PRKAR1B: variants seen among roughly 807,000 people sequenced by gnomAD.
PRKAR1B encodes the protein protein kinase cAMP-dependent type I regulatory subunit beta.
A neutral mutation model predicts 46.5 loss-of-function variants in PRKAR1B; 22 were observed. That is an observed-to-expected ratio of 0.47 (90% CI 0.34 to 0.68). PRKAR1B has a LOEUF of 0.68. Ranked by LOEUF, PRKAR1B falls within the 30% of genes least tolerant of loss-of-function variation. The pLI, the probability that PRKAR1B is intolerant of heterozygous loss-of-function variation, is 0.01. For missense variants in PRKAR1B, 445 were observed against 535.6 expected, an observed-to-expected ratio of 0.83 and a Z score of 1.67; for synonymous variants, 259 against 217.7, an observed-to-expected ratio of 1.19 and a Z score of -1.67.
intron 4 of PRKAR1B, among the ~76,000 whole-genome samples, chr7:616,008 A>AAGAGAGAGAGAG (rs112413656): frequency 1.3e-4 from 20 of 149,396 alleles, no homozygotes; most frequent in East Asian, 1.0e-3. Context: ...AAAAGGAAGA[A>AAGAGAGAGAGAG]AGAGAGAGAG....
chr7:584,708 GA>G, intron 7 of PRKAR1B, 140 bp from the exon 8 acceptor site: 1 of 712,062 alleles, frequency 1.4e-6, no homozygotes, highest in Non-Finnish European at 2.4e-6. Context: ...AGCCCTCGAC[GA>G]CTCGGAGTCT....
At chr7:703,460 G>A (rs1356092882) in intron 2 of PRKAR1B, among the ~76,000 whole-genome samples, 1 of 151,962 alleles carries the variant, frequency 6.6e-6, no homozygotes, top group Non-Finnish European at 1.5e-5. Context: ...TCGATCTCCT[G>A]TGGCTAACAC....
Position 680,423 on chromosome 7 carries a change from G to A in PRKAR1B, c.348+133C>T, listed in dbSNP as rs982532024. 2.4e-5 allele frequency: 22 copies of A among 931,472 alleles called. No homozygotes were observed. In the African/African-American group the frequency reaches 3.6e-4, roughly 15 times the overall value. The allele number at this position is 931,472 out of a possible 1,614,324, so 57.7% of individuals were successfully genotyped here. A position where few individuals can be genotyped will look rare whatever the true frequency, so the allele number is the denominator to read the frequency against. On this transcript the variant is annotated intron_variant, in intron 3 of 10. Coordinates refer to ENST00000537384, the MANE Select transcript of PRKAR1B (RefSeq NM_001164760.2). ...AACTGCCTCTGCCATCACCCACATA[G>A]TCCTCCCTCCAACCAGGATGACACT...
intron 1 of PRKAR1B, chr7:712,684 G>C: frequency 1.6e-5 from 2 of 124,390 alleles, no homozygotes; most frequent in East Asian, 2.5e-4. Flanking sequence ...GCAGGTTCAG[G>C]CCATCGCTGC....
chr7:572,727 G>C (rs1779595665), intron 9 of PRKAR1B, among the ~76,000 whole-genome samples: 1 of 152,250 alleles, frequency 6.6e-6, no homozygotes, highest in African/African-American at 2.4e-5. Flanking sequence ...GAGGGGAGCA[G>C]GAGGCCCCAG....
At chr7:616,132 TG>T (rs1782812154) in intron 4 of PRKAR1B, among the ~76,000 whole-genome samples, 1 of 152,060 alleles carries the variant, frequency 6.6e-6, no homozygotes, top group South Asian at 2.1e-4. Flanking sequence ...CAGAACACAC[TG>T]GGTGGGTCTC....
intron 3 of PRKAR1B, among the ~76,000 whole-genome samples, chr7:679,949 G>T (rs1327648211): frequency 6.6e-6 from 1 of 152,110 alleles, no homozygotes; most frequent in Non-Finnish European, 1.5e-5. Flanking sequence ...ACAAGGTCAG[G>T]AGATTGAGAC....
chr7:672,441 C>T (rs146779445), intron 4 of PRKAR1B, among the ~76,000 whole-genome samples: 167 of 152,208 alleles, frequency 1.1e-3, no homozygotes, highest in African/African-American at 3.6e-3. Context: ...CATGAGCCAC[C>T]GCACCCGGCC....
At chr7:577,696 C>T (rs1201422308) in intron 9 of PRKAR1B, among the ~76,000 whole-genome samples, 2 of 151,968 alleles carry the variant, frequency 1.3e-5, no homozygotes, top group Non-Finnish European at 2.9e-5. Context: ...GGCTTCAGAT[C>T]GCCGGGCAGG....
chr7:668,834 T>G (rs1369585099), intron 4 of PRKAR1B, among the ~76,000 whole-genome samples: 2 of 151,728 alleles, frequency 1.3e-5, no homozygotes, highest in Admixed American at 1.3e-4. Flanking sequence ...CAGAAAGGAT[T>G]TGAGGAGTTT....
At chr7:620,930 T>A (rs1562568062) in intron 4 of PRKAR1B, among the ~76,000 whole-genome samples, 1 of 152,264 alleles carries the variant, frequency 6.6e-6, no homozygotes, top group African/African-American at 2.4e-5. Context: ...GTATGACCTT[T>A]ACCAAGTTAA....
intron 1 of PRKAR1B, among the ~76,000 whole-genome samples, chr7:721,183 A>G (rs1455569627): frequency 1.3e-5 from 2 of 152,168 alleles, no homozygotes; most frequent in African/African-American, 4.8e-5. Flanking sequence ...CTAGCTGTAG[A>G]TATTTCCTCC....
intron 1 of PRKAR1B, among the ~76,000 whole-genome samples, chr7:721,211 CAT>C (rs574175113): frequency 1.9e-3 from 290 of 152,302 alleles, no homozygotes; most frequent in African/African-American, 6.6e-3. Context: ...TCACACACCA[CAT>C]GAGTGTTGTA....
At chr7:594,121 T>C (rs1031940253) in intron 7 of PRKAR1B, among the ~76,000 whole-genome samples, 69 of 152,154 alleles carry the variant, frequency 4.5e-4, no homozygotes, top group Non-Finnish European at 2.2e-4. Context: ...CCCCCAGGAC[T>C]CTCCCCAGTC....
intron 2 of PRKAR1B, among the ~76,000 whole-genome samples, chr7:707,989 C>T (rs1436386840): frequency 2.6e-5 from 4 of 151,754 alleles, no homozygotes; most frequent in Admixed American, 2.0e-4. Flanking sequence ...CTCAGACTTC[C>T]AGCCTGGACC....
chr7:574,940 G>A (rs577667019), intron 9 of PRKAR1B, among the ~76,000 whole-genome samples: 3 of 152,332 alleles, frequency 2.0e-5, no homozygotes, highest in East Asian at 1.9e-4. Flanking sequence ...CACCGCAGTC[G>A]TCCTGCTGGC....
chr7:607,346 T>A, intron 5 of PRKAR1B, 45 bp downstream of exon 5: 4 of 1,557,342 alleles, frequency 2.6e-6, no homozygotes, highest in Non-Finnish European at 2.7e-6. Flanking sequence ...GCATAGTCCA[T>A]TTTTCCCCTC....
chr7:723,360 C>G (rs1473286217), intron 1 of PRKAR1B, among the ~76,000 whole-genome samples: 2 of 152,130 alleles, frequency 1.3e-5, no homozygotes, highest in Admixed American at 6.5e-5. Context: ...TCTGTCTGTG[C>G]CTGTTGGCTG....
chr7:551,353 C>A, intron 10 of PRKAR1B, 36 bp downstream of exon 10: 1 of 1,543,614 alleles, frequency 6.5e-7, no homozygotes, highest in Non-Finnish European at 8.8e-7. Context: ...GAGATGGCCA[C>A]AGCCGTGCGA....
Sources: gnomAD v4.1 joint callset for allele counts (sites outside exome capture counted in the v4.1 genomes callset) on GRCh38, gnomAD v4.1.1 for gene constraint, MANE v1.5 for transcripts, NCBI Gene and HGNC (gene_info 2026-07-23, HGNC 2026-07-21) for gene names.